The following MICU1 variants were observed in gnomAD, a reference collection of about 807,000 sequenced individuals.
MICU1 encodes mitochondrial calcium uptake 1, also known as calcium uptake protein 1, mitochondrial.
A neutral mutation model predicts 56.8 loss-of-function variants in MICU1; 45 were observed. The ratio of observed to expected loss-of-function variants is 0.79; its 90% confidence interval spans 0.62 to 1.02. The LOEUF is 1.02. Ranked by LOEUF, MICU1 falls within the 50% of genes least tolerant of loss-of-function variation. The pLI, the probability that MICU1 is intolerant of heterozygous loss-of-function variation, is 0.00. For synonymous variants in MICU1, 186 were observed against 195.1 expected (o/e 0.95, Z 0.39); for missense variants, 504 against 587.1 (o/e 0.86, Z 1.46).
In MICU1 at chr10:72,589,606, G is replaced by A. The variant is rs370219934; in HGVS notation, c.-1-22812C>T. ...GAAAAAAAAACCCTTAGAGAATGGG[G>A]GTGGGGAATAGCCCTATAAGACATT... On this transcript the variant is annotated intron_variant, in intron 1 of 11. Coordinates refer to ENST00000361114, the MANE Select transcript of MICU1 (RefSeq NM_001195518.2). Among the ~76,000 whole-genome samples the A allele has an allele frequency of 1.6e-3, 231 of 147,500 alleles. 9 individuals carry two copies. The South Asian group carries it at 0.048, about 31-fold the overall frequency.
chr10:72,422,378 G>A (rs1864203623), intron 9 of MICU1, among the ~76,000 whole-genome samples: 1 of 152,200 alleles, frequency 6.6e-6, no homozygotes, highest in Admixed American at 6.6e-5. Flanking sequence ...TCCTGTTAAA[G>A]CCACCCAGTC....
intron 3 of MICU1, among the ~76,000 whole-genome samples, chr10:72,558,914 G>C (rs1437104929): frequency 2.0e-5 from 3 of 152,142 alleles, no homozygotes. Context: ...CTGGCTAATA[G>C]GGCTGAGGCA....
At chr10:72,575,472 T>C (rs1004240186) in intron 1 of MICU1, among the ~76,000 whole-genome samples, 14 of 152,232 alleles carry the variant, frequency 9.2e-5, no homozygotes, top group Non-Finnish European at 1.5e-4. Context: ...CACTTTATGA[T>C]ACACTTCATG....
chr10:72,413,252 A>C (rs1863882608), intron 9 of MICU1, among the ~76,000 whole-genome samples: 2 of 152,124 alleles, frequency 1.3e-5, no homozygotes, highest in South Asian at 4.1e-4. Flanking sequence ...ACCACATAGG[A>C]GCAAATCTTC....
chr10:72,610,899 T>C (rs532169052), intron 1 of MICU1, among the ~76,000 whole-genome samples: 16 of 152,250 alleles, frequency 1.1e-4, no homozygotes, highest in African/African-American at 3.1e-4. Context: ...TCTATTTTAC[T>C]AGCCAAAGGA....
At chr10:72,581,377 C>G (rs1840893741) in intron 1 of MICU1, among the ~76,000 whole-genome samples, 1 of 152,180 alleles carries the variant, frequency 6.6e-6, no homozygotes, top group African/African-American at 2.4e-5. Flanking sequence ...CACCTGTAAT[C>G]CCAGCACTTT....
intron 10 of MICU1, among the ~76,000 whole-genome samples, chr10:72,383,959 G>A (rs1229762869): frequency 6.6e-6 from 1 of 151,364 alleles, no homozygotes; most frequent in Non-Finnish European, 1.5e-5. Context: ...ACCACACCTG[G>A]CTAGGTTTTG....
chr10:72,543,167 G>A (rs1455848353), intron 4 of MICU1, among the ~76,000 whole-genome samples: 1 of 152,174 alleles, frequency 6.6e-6, no homozygotes, highest in Non-Finnish European at 1.5e-5. Context: ...TGGCTTGAAG[G>A]TGGGGTTTTG....
In MICU1 at chr10:72,508,333, A is replaced by T. The variant is rs1867329554; in HGVS notation, c.538-64T>A. The stretch of plus-strand genomic sequence containing the variant: ...ATAAGTGAATTAGAATATAAATAGT[A>T]AGAGATGAATCACCATTTATCTGAC... On this transcript the variant is annotated intron_variant, in intron 5 of 11. Transcript: ENST00000361114. 2.0e-5 allele frequency: 13 copies of T among 637,838 alleles called. No homozygotes were observed. The South Asian group carries it at 3.8e-4, about 19-fold the overall frequency. The allele number at this position is 637,838 out of a possible 1,614,324, so 39.5% of individuals were successfully genotyped here.
intron 1 of MICU1, among the ~76,000 whole-genome samples, chr10:72,595,564 G>C (rs1294022275): frequency 6.6e-6 from 1 of 151,624 alleles, no homozygotes; most frequent in Non-Finnish European, 1.5e-5. Flanking sequence ...GCAGAATCTG[G>C]AAAAATGGCT....
intron 3 of MICU1, among the ~76,000 whole-genome samples, chr10:72,553,695 AG>A (rs1232081306): frequency 1.6e-4 from 25 of 152,268 alleles, no homozygotes; most frequent in African/African-American, 5.8e-4. Context: ...ATATACATAA[AG>A]GTAAAAAAAT....
At chr10:72,404,218 G>A (rs1382233172) in intron 10 of MICU1, among the ~76,000 whole-genome samples, 1 of 150,386 alleles carries the variant, frequency 6.6e-6, no homozygotes, top group Non-Finnish European at 1.5e-5. Flanking sequence ...TTGAACTCCT[G>A]GCCTCAAGTG....
intron 9 of MICU1, among the ~76,000 whole-genome samples, chr10:72,419,968 T>C (rs761757352): frequency 6.6e-6 from 1 of 152,206 alleles, no homozygotes; most frequent in Non-Finnish European, 1.5e-5. Flanking sequence ...GTGCTGTTCT[T>C]TTGATAGTAA....
chr10:72,534,101 G>T (rs1839562413), intron 4 of MICU1, among the ~76,000 whole-genome samples: 1 of 150,894 alleles, frequency 6.6e-6, no homozygotes, highest in Non-Finnish European at 1.5e-5. Flanking sequence ...TTATATCAAG[G>T]TGCTATATTA....
intron 8 of MICU1, among the ~76,000 whole-genome samples, chr10:72,442,411 T>C (rs997413597): frequency 3.3e-5 from 5 of 152,164 alleles, no homozygotes; most frequent in African/African-American, 1.2e-4. Context: ...CCCAAAGTGC[T>C]AGGATTACAA....
chr10:72,569,797 C>T (rs1341945310), intron 1 of MICU1, among the ~76,000 whole-genome samples: 1 of 152,070 alleles, frequency 6.6e-6, no homozygotes, highest in Non-Finnish European at 1.5e-5. Flanking sequence ...CAGTATAGTA[C>T]CTCACTGTTT....
At position 72,409,280 on chromosome 10, in the gene MICU1, C is replaced by T. The variant is rs1483258779; in HGVS notation, c.1072-1243G>A. Among the ~76,000 whole-genome samples the T allele has an allele frequency of 2.0e-5, 3 of 152,276 alleles. No individual in the cohort carries two copies. In the South Asian group the frequency reaches 6.2e-4, roughly 32 times the overall value. On this transcript the variant is annotated intron_variant, in intron 9 of 11. Coordinates refer to ENST00000361114, the MANE Select transcript of MICU1 (RefSeq NM_001195518.2). ...ATTTTCATTTTCCCAAACTACAGAGCCCAGGAACTCACATCAGGAACTCAG... is the reference window on the plus strand; with the variant it reads ...ATTTTCATTTTCCCAAACTACAGAGTCCAGGAACTCACATCAGGAACTCAG...
intron 7 of MICU1, chr10:72,475,839 G>C (rs1367200162): frequency 2.2e-6 from 1 of 456,526 alleles, no homozygotes. Flanking sequence ...GCAGAATTAG[G>C]GTTCTAACAC....
intron 8 of MICU1, among the ~76,000 whole-genome samples, chr10:72,426,872 T>C (rs892964286): frequency 2.0e-5 from 3 of 152,180 alleles, no homozygotes; most frequent in African/African-American, 7.2e-5. Flanking sequence ...CCCAAGGTTG[T>C]GGGAGGATCT....
Sources: allele counts gnomAD v4.1 joint callset (sites outside exome capture counted in the v4.1 genomes callset), GRCh38; gene constraint gnomAD v4.1.1; transcripts MANE v1.5; gene names NCBI Gene and HGNC (gene_info 2026-07-23, HGNC 2026-07-21).